Variants in TCF7L1 observed in about 807,000 individuals in gnomAD.
TCF7L1 encodes transcription factor 7 like 1.
Under a neutral mutation model 63.7 loss-of-function variants are expected in TCF7L1, and 18 were observed. The observed-to-expected ratio is 0.28, with a 90% confidence interval of 0.20 to 0.42. The LOEUF (loss-of-function observed/expected upper bound fraction) is 0.42, where lower values mean the gene tolerates loss of function less well. Ranked by LOEUF, TCF7L1 falls within the 10% of genes least tolerant of loss-of-function variation. TCF7L1 has a pLI of 1.00. For synonymous variants in TCF7L1, 355 were observed against 340.9 expected (o/e 1.04, Z -0.46); for missense variants, 654 against 779.3 (o/e 0.84, Z 1.91).
intron 3 of TCF7L1, among the ~76,000 whole-genome samples, chr2:85,180,655 T>C (rs1678783096): frequency 6.6e-6 from 1 of 152,052 alleles, no homozygotes; most frequent in South Asian, 2.1e-4. Flanking sequence ...CTTCCTAAAG[T>C]GAGGATTGAG....
chr2:85,289,919 G>A (rs544472766), intron 4 of TCF7L1, among the ~76,000 whole-genome samples: 5 of 148,686 alleles, frequency 3.4e-5, no homozygotes, highest in African/African-American at 7.4e-5. Context: ...CGGGATCCGC[G>A]CACCTCAGCC....
chr2:85,134,145 G>A lies in TCF7L1; in HGVS notation c.313+66G>A. The A allele has an allele frequency of 6.3e-7, 1 of 1,576,390 alleles. No homozygotes were observed. Among genetic ancestry groups the A allele is most frequent in the African/African-American group, 1.4e-5 (1 of 73,178 alleles). Reference sequence around the variant, plus strand: ...CTGCGCTCCGCTGCTCAGCCCGGGCGGCCCACCGTCCCCCTTGCTTGGGTG... The same window carrying A: ...CTGCGCTCCGCTGCTCAGCCCGGGCAGCCCACCGTCCCCCTTGCTTGGGTG... On this transcript the variant is annotated intron_variant, in intron 2 of 11. Coordinates refer to ENST00000282111, the MANE Select transcript of TCF7L1 (RefSeq NM_031283.3). The surrounding 1 kb of genome is among the most constrained non-coding windows in gnomAD (Gnocchi z 5.0).
chr2:85,286,228 G>A (rs750377735), intron 4 of TCF7L1, among the ~76,000 whole-genome samples: 21 of 150,926 alleles, frequency 1.4e-4, no homozygotes, highest in South Asian at 2.1e-4. Flanking sequence ...GGTGGTACGC[G>A]CCTGTAATCC....
intron 8 of TCF7L1, 134 bp downstream of exon 8, chr2:85,305,537 G>T: frequency 8.9e-7 from 1 of 1,127,708 alleles, no homozygotes. Flanking sequence ...TCCCCAGCCA[G>T]GCCCTCCCTC....
chr2:85,177,823 A>G (rs1039221775), intron 3 of TCF7L1, among the ~76,000 whole-genome samples: 1 of 152,234 alleles, frequency 6.6e-6, no homozygotes, highest in African/African-American at 2.4e-5. Flanking sequence ...CATATTTTAT[A>G]TAGTTAAAAT....
intron 3 of TCF7L1, among the ~76,000 whole-genome samples, chr2:85,251,465 C>G (rs1382984503): frequency 6.6e-6 from 1 of 152,146 alleles, no homozygotes; most frequent in Non-Finnish European, 1.5e-5. Flanking sequence ...AAGGCTTTTT[C>G]TAGCAGCTGT....
chr2:85,296,865 C>A (rs1042305291), intron 4 of TCF7L1, among the ~76,000 whole-genome samples: 5 of 151,978 alleles, frequency 3.3e-5, no homozygotes, highest in Admixed American at 2.0e-4. Context: ...AAAGAAGAGA[C>A]CAAACTGAAG....
At chr2:85,279,154 A>G (rs1284183811) in intron 3 of TCF7L1, among the ~76,000 whole-genome samples, 1 of 152,214 alleles carries the variant, frequency 6.6e-6, no homozygotes, top group Non-Finnish European at 1.5e-5. Context: ...ACATACCATT[A>G]CCATGCAAAG....
rs142576575 is a variant in TCF7L1 at position 85,134,033 on chromosome 2, G to T, written c.267G>T (p.Gln89His). Residue 89 changes from glutamine to histidine, a missense_variant, in exon 2 of 12, where the codon CAG (glutamine) becomes CAT (histidine). Around this residue, in one of 3 missense-constraint regions of TCF7L1, gnomAD observed 404 missense variants for 454.8 expected, o/e 0.89. Coordinates refer to ENST00000282111, the MANE Select transcript of TCF7L1 (RefSeq NM_031283.3). This position sits in a 1 kb window ranked among gnomAD's most constrained non-coding sequence, Gnocchi z 5.0. The stretch of plus-strand genomic sequence containing the variant: ...CTCCGCAGGCGGAGAGGCGCCCGCA[G>T]CCCGTCCGGGACACTTTCCAGAAGC... The part of the protein sequence containing the change: ...SSDSEAERRP[Q>H]PVRDTFQKPR... The T allele has an allele frequency of 1.4e-5, 22 of 1,609,962 alleles. No individual in the cohort carries two copies. The African/African-American group carries it at 2.8e-4, about 21-fold the overall frequency.
chr2:85,205,315 T>C (rs1355798215), intron 3 of TCF7L1, among the ~76,000 whole-genome samples: 1 of 152,232 alleles, frequency 6.6e-6, no homozygotes, highest in African/African-American at 2.4e-5. Flanking sequence ...CTCTCAGTGC[T>C]GAGCAGGCCT....
chr2:85,273,480 G>T (rs895467400), intron 3 of TCF7L1, among the ~76,000 whole-genome samples: 1 of 152,200 alleles, frequency 6.6e-6, no homozygotes, highest in Non-Finnish European at 1.5e-5. Context: ...TTTTTTACCT[G>T]TCAGTTTGGC....
chr2:85,306,286 T>C lies in TCF7L1; in HGVS notation c.1070T>C (p.Met357Thr), dbSNP rs778876445. ...KKPLNAFMLYMKEMRAKVVAE... is the reference protein window; with the variant it reads ...KKPLNAFMLYTKEMRAKVVAE... ...CCTCTGAATGCCTTCATGTTGTATA[T>C]GAAGGAGATGAGGGCCAAGGTGGTG... Residue 357 changes from methionine to threonine, a missense_variant, in exon 9 of 12, where the codon ATG becomes ACG. Coordinates refer to ENST00000282111, the MANE Select transcript of TCF7L1 (RefSeq NM_031283.3). This position sits in a 1 kb window ranked among gnomAD's most constrained non-coding sequence, Gnocchi z 4.3. 6.2e-7 allele frequency: 1 copy of C among 1,614,100 alleles called. No individual in the cohort carries two copies. The highest frequency in any genetic ancestry group is 8.5e-7 in the Non-Finnish European group (1 of 1,180,014).
chr2:85,287,800 G>A (rs1681598922), intron 4 of TCF7L1, among the ~76,000 whole-genome samples: 1 of 152,128 alleles, frequency 6.6e-6, no homozygotes, highest in African/African-American at 2.4e-5. Context: ...AGCAAAACCT[G>A]AGACACCCGG....
At chr2:85,298,533 G>A (rs574255939) in intron 4 of TCF7L1, among the ~76,000 whole-genome samples, 1 of 151,258 alleles carries the variant, frequency 6.6e-6, no homozygotes, top group Admixed American at 6.6e-5. Flanking sequence ...GGCTTCCTAG[G>A]GAGACCAGAG....
intron 4 of TCF7L1, among the ~76,000 whole-genome samples, chr2:85,290,418 C>T (rs574716372): frequency 2.6e-5 from 4 of 152,212 alleles, no homozygotes; most frequent in East Asian, 3.9e-4. Flanking sequence ...TCAAGTGATC[C>T]GCCTGCCTCA....
At chr2:85,257,103 A>G (rs1041293792) in intron 3 of TCF7L1, among the ~76,000 whole-genome samples, 2 of 151,928 alleles carry the variant, frequency 1.3e-5, no homozygotes, top group African/African-American at 4.8e-5. Context: ...GGTCTCAGCT[A>G]CTCGAGAGGC....
At chr2:85,284,246 G>A (rs1487577603) in intron 4 of TCF7L1, among the ~76,000 whole-genome samples, 2 of 152,144 alleles carry the variant, frequency 1.3e-5, no homozygotes, top group Non-Finnish European at 2.9e-5. Context: ...TCCTGACCTC[G>A]TGATCCGCCA....
chr2:85,306,546 C>G lies in TCF7L1; in HGVS notation c.1244C>G (p.Ala415Gly). The part of the protein sequence containing the change: ...LHSQLYPTWS[A>G]RDNYGKKKKR... ...TCGCAGCTCTACCCAACCTGGTCAG[C>G]CCGGGACAACTATGTAAGTGCACAC... The change falls in exon 10 of 12, where the codon GCC becomes GGC. Residue 415 changes from alanine to glycine, a missense_variant. Physicochemically the swap from Ala to Gly is moderately conservative, Grantham distance 60. Around this residue, in one of 3 missense-constraint regions of TCF7L1, gnomAD observed 66 missense variants for 120.5 expected, o/e 0.55. Transcript: ENST00000282111. This position sits in a 1 kb window ranked among gnomAD's most constrained non-coding sequence, Gnocchi z 4.3. The G allele has an allele frequency of 6.2e-7, 1 of 1,614,222 alleles. No homozygotes were observed. The highest frequency in any genetic ancestry group is 1.3e-5 in the African/African-American group (1 of 75,060).
At chr2:85,308,008 T>C (rs896672813) in intron 11 of TCF7L1, among the ~76,000 whole-genome samples, 1 of 152,144 alleles carries the variant, frequency 6.6e-6, no homozygotes, top group African/African-American at 2.4e-5. Flanking sequence ...TGAGGGTTAA[T>C]GGAATGAGGT....
Sources: gnomAD v4.1 joint callset for allele counts (sites outside exome capture counted in the v4.1 genomes callset) on GRCh38, gnomAD v4.1.1 for gene constraint, gnomAD v4.1.1 regional missense constraint, Gnocchi (gnomAD v3.1) non-coding constraint, MANE v1.5 for transcripts, NCBI Gene and HGNC (gene_info 2026-07-23, HGNC 2026-07-21) for gene names.